Variants in RNF34 observed in about 807,000 individuals in gnomAD.
RNF34 encodes the protein ring finger protein 34, also known as E3 ubiquitin-protein ligase RNF34.
Under a neutral mutation model 37.9 loss-of-function variants are expected in RNF34, and 12 were observed. The ratio of observed to expected loss-of-function variants is 0.32; its 90% CI spans 0.20 to 0.51. RNF34 has a LOEUF of 0.51. Ranked by LOEUF, RNF34 falls within the 20% of genes least tolerant of loss-of-function variation. The probability of loss-of-function intolerance (pLI) is 0.97; values close to 1 mark genes in which losing one functional copy is unlikely to be tolerated. For missense variants in RNF34, 362 were observed against 472.7 expected, an observed-to-expected ratio of 0.77 and a Z score of 2.17; for synonymous variants, 155 against 177.2, an observed-to-expected ratio of 0.87 and a Z score of 1.00.
chr12:121,414,313 G>A (rs1555281806), intron 1 of RNF34, among the ~76,000 whole-genome samples: 2 of 152,198 alleles, frequency 1.3e-5, no homozygotes, highest in Non-Finnish European at 2.9e-5. Context: ...TAGGACAAAG[G>A]CAAAAGCCTA....
intron 5 of RNF34, among the ~76,000 whole-genome samples, chr12:121,422,159 A>G (rs1041653436): frequency 6.6e-6 from 1 of 152,230 alleles, no homozygotes; most frequent in Admixed American, 6.5e-5. Context: ...GGCGTAGGAT[A>G]TAACATGGTT....
Position 121,417,536 on chromosome 12 carries a change from C to T in RNF34, c.258C>T (p.Cys86=), listed in dbSNP as rs1555282362. 3 of 1,612,466 alleles carry T rather than the reference C, an allele frequency of 1.9e-6. No homozygotes were observed. Among genetic ancestry groups the T allele is most frequent in the Non-Finnish European group, 2.5e-6 (3 of 1,179,172 alleles). The part of the protein sequence containing the change: ...HVCCDCKKDF[C]SVCSVLQENL... ...GCTGTGACTGCAAGAAGGATTTTTG[C>T]TCCGTTTGTTCAGTCTTACAAGAAA... Residue 86 remains cysteine (C), a synonymous_variant, in exon 3 of 6, where the codon TGC becomes TGT. Coordinates refer to ENST00000361234, the MANE Select transcript of RNF34 (RefSeq NM_025126.4). This position sits in a 1 kb window ranked among gnomAD's most constrained non-coding sequence, Gnocchi z 5.0.
In RNF34 at chr12:121,420,632, TTGA is replaced by T; in HGVS notation, c.788_790del (p.Asp263del). ...GCTTCACTGTCTGACTTGTCAAGCCTTGATGATGTGGAAGGAATGAGCGTGCGC... is the reference window on the plus strand; with the variant it reads ...GCTTCACTGTCTGACTTGTCAAGCCTTGATGTGGAAGGAATGAGCGTGCGC... On this transcript the variant is annotated inframe_deletion, in exon 5 of 6. Coordinates refer to ENST00000361234, the MANE Select transcript of RNF34 (RefSeq NM_025126.4). 3.1e-6 allele frequency: 5 copies of T among 1,614,150 alleles called. No homozygotes were observed. The highest frequency in any genetic ancestry group is 4.2e-6 in the Non-Finnish European group (5 of 1,180,014).
intron 1 of RNF34, among the ~76,000 whole-genome samples, chr12:121,404,002 C>A (rs1870256208): frequency 6.6e-6 from 1 of 151,390 alleles, no homozygotes; most frequent in African/African-American, 2.4e-5. Flanking sequence ...TGACTTAGAT[C>A]ATTTAGTTTT....
chr12:121,412,497 C>T (rs1441785369), intron 1 of RNF34, among the ~76,000 whole-genome samples: 1 of 151,536 alleles, frequency 6.6e-6, no homozygotes, highest in Non-Finnish European at 1.5e-5. Context: ...CCTGCCTTGT[C>T]CTCCCAAACT....
chr12:121,407,526 A>G (rs1555280827), intron 1 of RNF34, among the ~76,000 whole-genome samples: 1 of 152,246 alleles, frequency 6.6e-6, no homozygotes, highest in Non-Finnish European at 1.5e-5. Context: ...CAGTGAACTG[A>G]CTGCAAATTC....
chr12:121,403,318 C>G (rs1211660675), intron 1 of RNF34, among the ~76,000 whole-genome samples: 1 of 151,668 alleles, frequency 6.6e-6, no homozygotes, highest in African/African-American at 2.4e-5. Context: ...ATGGCGTGAA[C>G]CCGGGAGGCA....
intron 1 of RNF34, among the ~76,000 whole-genome samples, chr12:121,401,046 C>T (rs1869940212): frequency 1.3e-5 from 2 of 151,904 alleles, no homozygotes; most frequent in South Asian, 4.2e-4. Flanking sequence ...ACTTTCAGAC[C>T]TAGATGGTTT....
intron 5 of RNF34, among the ~76,000 whole-genome samples, chr12:121,421,371 T>TTAA (rs1555283358): frequency 2.2e-5 from 1 of 46,378 alleles, no homozygotes; most frequent in Non-Finnish European, 4.4e-5. Context: ...ATCCCATCTC[T>TTAA]AAAAAAAAAA....
intron 1 of RNF34, 66 bp downstream of exon 1, chr12:121,400,284 GCCT>G (rs1362925843): frequency 6.4e-6 from 10 of 1,566,576 alleles, no homozygotes; most frequent in African/African-American, 5.4e-5. Flanking sequence ...CACCTGAAGC[GCCT>G]CCTTTCTTTC....
intron 1 of RNF34, among the ~76,000 whole-genome samples, chr12:121,406,302 G>GTTGTTGTTGTTGTTA (rs1351470794): frequency 6.6e-6 from 1 of 151,376 alleles, no homozygotes; most frequent in Non-Finnish European, 1.5e-5. Context: ...TGTTGTTGTT[G>GTTGTTGTTGTTGTTA]TTTGAGACAG....
intron 1 of RNF34, among the ~76,000 whole-genome samples, chr12:121,408,162 C>T (rs1404261265): frequency 1.3e-5 from 2 of 152,078 alleles, no homozygotes; most frequent in Admixed American, 1.3e-4. Context: ...AATAAATGGC[C>T]AGGTGTGGTG....
chr12:121,412,071 A>ATTT (rs1417838361), intron 1 of RNF34, among the ~76,000 whole-genome samples: 1 of 151,536 alleles, frequency 6.6e-6, no homozygotes, highest in African/African-American at 2.4e-5. Context: ...ATTATTATTA[A>ATTT]TTTTTTTTGA....
chr12:121,410,882 A>T (rs1870994177), intron 1 of RNF34, among the ~76,000 whole-genome samples: 1 of 152,260 alleles, frequency 6.6e-6, no homozygotes, highest in Non-Finnish European at 1.5e-5. Context: ...TGTACTGAAT[A>T]TTGGGTTATA....
intron 1 of RNF34, among the ~76,000 whole-genome samples, chr12:121,403,323 G>C (rs1555280253): frequency 6.6e-6 from 1 of 151,320 alleles, no homozygotes; most frequent in Non-Finnish European, 1.5e-5. Flanking sequence ...GTGAACCCGG[G>C]AGGCAGAGTT....
In RNF34 at chr12:121,423,588, C is replaced by G; in HGVS notation, c.*12C>G. ...TGTTCAAGTCCTGAAACAGGCTCCC[C>G]TCACCAGGACAGTCACCCCCAAACT... On this transcript the variant is annotated 3_prime_UTR_variant, in exon 6 of 6. Coordinates refer to ENST00000361234, the MANE Select transcript of RNF34 (RefSeq NM_025126.4). The surrounding 1 kb of genome is among the most constrained non-coding windows in gnomAD (Gnocchi z 4.3). The G allele has an allele frequency of 6.2e-7, 1 of 1,607,684 alleles. No homozygotes were observed. Among genetic ancestry groups the G allele is most frequent in the Non-Finnish European group, 8.5e-7 (1 of 1,175,578 alleles).
chr12:121,404,265 C>A (rs1271568778), intron 1 of RNF34, among the ~76,000 whole-genome samples: 2 of 151,704 alleles, frequency 1.3e-5, no homozygotes, highest in Non-Finnish European at 2.9e-5. Flanking sequence ...CCTTGGCCTC[C>A]CAAACTGCTA....
rs561873903 is a variant in RNF34 at position 121,423,071 on chromosome 12, A to G, written c.929-315A>G. ...CAGCTGAGGGTTTCTTTTTCTAGTT[A>G]CAGAAGTAATATATCCCTATCACAG... On this transcript the variant is annotated intron_variant, in intron 5 of 5. Transcript: ENST00000361234. The surrounding 1 kb of genome is among the most constrained non-coding windows in gnomAD (Gnocchi z 4.3). Among the ~76,000 whole-genome samples the G allele has an allele frequency of 2.2e-4, 33 of 152,364 alleles. No homozygotes were observed. The highest frequency in any genetic ancestry group is 1.0e-3 in the South Asian group (5 of 4,832).
intron 1 of RNF34, among the ~76,000 whole-genome samples, chr12:121,401,694 A>G (rs369150251): frequency 1.8e-4 from 28 of 152,302 alleles, no homozygotes; most frequent in East Asian, 9.6e-4. Flanking sequence ...GGAACTAGCT[A>G]TCGAAGGAAA....
Sources: gnomAD v4.1 joint callset for allele counts (sites outside exome capture counted in the v4.1 genomes callset) on GRCh38, gnomAD v4.1.1 for gene constraint, Gnocchi (gnomAD v3.1) non-coding constraint, MANE v1.5 for transcripts, NCBI Gene and HGNC (gene_info 2026-07-23, HGNC 2026-07-21) for gene names.